Variants in RAB31 observed in about 807,000 individuals in gnomAD.
RAB31 encodes RAB31, member RAS oncogene family.
Under a neutral mutation model 25.6 loss-of-function variants are expected in RAB31, and 21 were observed. The ratio of observed to expected loss-of-function variants is 0.82; its 90% CI spans 0.58 to 1.18. The LOEUF is 1.18. RAB31 is among the 50% of genes most tolerant of loss of function. RAB31 has a pLI of 0.00. For missense variants in RAB31, 196 were observed against 250.1 expected (o/e 0.78, Z 1.46); for synonymous variants, 87 against 84.0 (o/e 1.04, Z -0.20).
chr18:9,767,040 G>T (rs2068319784), intron 1 of RAB31, among the ~76,000 whole-genome samples: 1 of 152,164 alleles, frequency 6.6e-6, no homozygotes, highest in South Asian at 2.1e-4. Context: ...CTAAATGGAT[G>T]ACTGAATACA....
At chr18:9,825,663 G>C (rs747405564) in intron 5 of RAB31, among the ~76,000 whole-genome samples, 7 of 152,188 alleles carry the variant, frequency 4.6e-5, no homozygotes, top group Non-Finnish European at 7.3e-5. Flanking sequence ...GTTTATGGTA[G>C]AGAAGAATGA....
chr18:9,811,006 G>T (rs1043817227), intron 3 of RAB31, among the ~76,000 whole-genome samples: 3 of 152,194 alleles, frequency 2.0e-5, no homozygotes, highest in Non-Finnish European at 2.9e-5. Flanking sequence ...TTAAGTGTAA[G>T]GAGTAGATTG....
intron 1 of RAB31, among the ~76,000 whole-genome samples, chr18:9,739,131 G>C (rs962927961): frequency 2.0e-5 from 3 of 152,180 alleles, no homozygotes; most frequent in Admixed American, 6.5e-5. Flanking sequence ...TGATATAGTT[G>C]CATACTATAT....
chr18:9,752,445 G>A (rs112746553), intron 1 of RAB31, among the ~76,000 whole-genome samples: 1 of 152,082 alleles, frequency 6.6e-6, no homozygotes, highest in Non-Finnish European at 1.5e-5. Context: ...GGCTGGTCTC[G>A]AACTTATGAC....
chr18:9,720,165 T>C (rs1230474995), intron 1 of RAB31, among the ~76,000 whole-genome samples: 1 of 152,298 alleles, frequency 6.6e-6, no homozygotes, highest in African/African-American at 2.4e-5. Flanking sequence ...GGTTTCGCCA[T>C]GTTGGCCAGG....
Position 9,708,532 on chromosome 18 carries a change from T to A in RAB31, c.39+88T>A. The A allele has an allele frequency of 8.5e-7, 1 of 1,180,474 alleles. No homozygotes were observed. Among genetic ancestry groups the A allele is most frequent in the South Asian group, 1.6e-5 (1 of 61,918 alleles). 73.1% of individuals were successfully genotyped at this position (1,180,474 alleles called of 1,614,324 possible). ...CTATTCCCTGCGCGCTCAGTCCCCG[T>A]GATCCCCTCGCTCTCCGCACCCCTC... is the stretch of plus-strand genomic sequence containing the variant. On this transcript the variant is annotated intron_variant, in intron 1 of 6. Coordinates refer to ENST00000578921, the MANE Select transcript of RAB31 (RefSeq NM_006868.4). This position sits in a 1 kb window ranked among gnomAD's most constrained non-coding sequence, Gnocchi z 6.4.
intron 6 of RAB31, among the ~76,000 whole-genome samples, chr18:9,849,405 T>A (rs2068777421): frequency 6.6e-6 from 1 of 152,146 alleles, no homozygotes; most frequent in South Asian, 2.1e-4. Context: ...TAAAGTGAAA[T>A]GTAATCACTT....
Position 9,771,333 on chromosome 18 carries a change from G to C in RAB31, c.40-3945G>C, listed in dbSNP as rs181686206. ...CACTGTTTCCTCTTTACCAAAACGA[G>C]GGGACTGGACAAGACGGCCTGTGGT... On this transcript the variant is annotated intron_variant, in intron 1 of 6. Transcript: ENST00000578921. 2.6e-5 allele frequency among the ~76,000 whole-genome samples: 4 copies of C among 152,246 alleles called. No individual in the cohort carries two copies. The East Asian group carries it at 7.7e-4, about 29-fold the overall frequency.
chr18:9,709,210 G>C (rs2068003358), intron 1 of RAB31, among the ~76,000 whole-genome samples: 1 of 152,190 alleles, frequency 6.6e-6, no homozygotes, highest in Admixed American at 6.5e-5. Flanking sequence ...GTGCGGCCCG[G>C]GGACTGCAGA....
At chr18:9,724,292 A>AAAAAAAAAC (rs2068087266) in intron 1 of RAB31, among the ~76,000 whole-genome samples, 2 of 143,480 alleles carry the variant, frequency 1.4e-5, no homozygotes, top group African/African-American at 5.5e-5. Flanking sequence ...AAAAAACAAA[A>AAAAAAAAAC]AAAAAACATT....
intron 2 of RAB31, among the ~76,000 whole-genome samples, chr18:9,778,420 T>G (rs1005712419): frequency 6.6e-6 from 1 of 152,186 alleles, no homozygotes; most frequent in South Asian, 2.1e-4. Flanking sequence ...AACTCGGGGA[T>G]TAAGGGTGCT....
chr18:9,853,178 T>C (rs984498981), intron 6 of RAB31, among the ~76,000 whole-genome samples: 11 of 152,212 alleles, frequency 7.2e-5, no homozygotes, highest in African/African-American at 1.9e-4. Flanking sequence ...CTGTGGCTTG[T>C]CTTCATTTTC....
chr18:9,790,404 A>AAG (rs1313657663), intron 2 of RAB31, among the ~76,000 whole-genome samples: 4 of 136,886 alleles, frequency 2.9e-5, no homozygotes, highest in Non-Finnish European at 5.1e-5. Flanking sequence ...TAAAAAAAAA[A>AAG]ATTTTTTTTT....
In RAB31 at chr18:9,753,296, G is replaced by A. The variant is rs558310498; in HGVS notation, c.40-21982G>A. On this transcript the variant is annotated intron_variant, in intron 1 of 6. Transcript: ENST00000578921. The stretch of plus-strand genomic sequence containing the variant: ...ATGAGGGCTCTACTGTCATGAATGG[G>A]TTAATCCATGACAGGAGTGGTATTA... Among the ~76,000 whole-genome samples, 28 of 152,260 alleles carry A rather than the reference G, an allele frequency of 1.8e-4. No homozygotes were observed. In the East Asian group the frequency reaches 5.0e-3, roughly 27 times the overall value.
intron 3 of RAB31, among the ~76,000 whole-genome samples, chr18:9,813,781 G>T (rs574555726): frequency 4.6e-5 from 7 of 152,230 alleles, no homozygotes; most frequent in Non-Finnish European, 1.0e-4. Flanking sequence ...GAACCTAGGA[G>T]GTGGAGGTTG....
At chr18:9,799,885 T>C (rs2068505074) in intron 3 of RAB31, among the ~76,000 whole-genome samples, 1 of 152,238 alleles carries the variant, frequency 6.6e-6, no homozygotes, top group Admixed American at 6.5e-5. Flanking sequence ...CCAAGGACTA[T>C]GAAGAGGGGA....
chr18:9,751,894 C>T, intron 1 of RAB31, among the ~76,000 whole-genome samples: 1 of 152,186 alleles, frequency 6.6e-6, no homozygotes, highest in East Asian at 1.9e-4. Flanking sequence ...CCCCAAGGTT[C>T]CGTTAACAGA....
chr18:9,841,084 T>A (rs556143550), intron 5 of RAB31, among the ~76,000 whole-genome samples: 1 of 152,132 alleles, frequency 6.6e-6, no homozygotes, highest in South Asian at 2.1e-4. Context: ...GCACACACCA[T>A]CACACCTGGC....
At chr18:9,735,137 C>G (rs150706581) in intron 1 of RAB31, among the ~76,000 whole-genome samples, 2,987 of 152,160 alleles carry the variant, frequency 0.02, 103 homozygotes, top group African/African-American at 0.068. Flanking sequence ...CCTGTCTCAG[C>G]CTCTCAAGTA....
Sources: allele counts gnomAD v4.1 joint callset (sites outside exome capture counted in the v4.1 genomes callset), GRCh38; gene constraint gnomAD v4.1.1; non-coding constraint Gnocchi (gnomAD v3.1); transcripts MANE v1.5; gene names NCBI Gene and HGNC (gene_info 2026-07-23, HGNC 2026-07-21).